The following FANCD2 variants were observed in gnomAD, a reference collection of about 807,000 sequenced individuals.
The protein encoded by FANCD2 is FA complementation group D2, also known as Fanconi anemia group D2 protein.
In FANCD2, 131 loss-of-function variants were observed where a neutral mutation model predicts 192.3. The observed-to-expected ratio is 0.68, with a 90% CI of 0.59 to 0.79. The LOEUF (loss-of-function observed/expected upper bound fraction) is 0.79, where lower values mean the gene tolerates loss of function less well. FANCD2 is among the 30% of genes least tolerant of loss of function. FANCD2 has a pLI of 0.00. For missense variants in FANCD2, 1,508 were observed against 1,701.6 expected (o/e 0.89, Z 2.00); for synonymous variants, 524 against 612.5 (o/e 0.86, Z 2.13).
In FANCD2 at chr3:10,041,672, C is replaced by A. The variant is rs1349205199; in HGVS notation, c.745C>A (p.Leu249Ile). 14 of 1,613,860 alleles carry A rather than the reference C, an allele frequency of 8.7e-6. No individual in the cohort carries two copies. Among genetic ancestry groups the A allele is most frequent in the Non-Finnish European group, 1.1e-5 (13 of 1,179,856 alleles). The change falls in exon 10 of 44, where the codon CTT becomes ATT. Residue 249 changes from leucine to isoleucine, a missense_variant. Leu to Ile is a conservative substitution (Grantham distance 5). Around this residue, in one of 5 missense-constraint regions of FANCD2, gnomAD observed 435 missense variants for 421.9 expected, o/e 1.03. Transcript: ENST00000675286. ...TSLTVPILDV[L>I]SSLRLDPNFL... ...ACTCACTGTCCCAATCCTGGATGTC[C>A]TTTCAAGCCTCCGACTTGACCCAAA... is the stretch of plus-strand genomic sequence containing the variant.
rs775934513 is a variant in FANCD2 at position 10,094,364 on chromosome 3, G to C, written c.3963+1G>C. 7.4e-6 allele frequency: 12 copies of C among 1,612,476 alleles called. No individual in the cohort carries two copies. The highest frequency in any genetic ancestry group is 2.2e-5 in the East Asian group (1 of 44,872). On this transcript the variant is annotated splice_donor_variant, in intron 40 of 43. Coordinates refer to ENST00000675286, the MANE Select transcript of FANCD2 (RefSeq NM_001018115.3). LOFTEE classifies it high-confidence loss of function. The stretch of plus-strand genomic sequence containing the variant: ...AGACTTCAGTTTTAGAAAACACCGG[G>C]TAAGAGCTAAGAGCAGAGAACAAAG...
intron 17 of FANCD2, among the ~76,000 whole-genome samples, chr3:10,051,141 G>A (rs2087191354): frequency 6.6e-6 from 1 of 151,204 alleles, no homozygotes; most frequent in Non-Finnish European, 1.5e-5. Context: ...AGCACTTTGG[G>A]AGGCCGAGGT....
intron 32 of FANCD2, among the ~76,000 whole-genome samples, chr3:10,084,525 T>C (rs1486031989): frequency 2.0e-5 from 3 of 151,304 alleles, no homozygotes; most frequent in Non-Finnish European, 2.9e-5. Flanking sequence ...GTCTTGAACC[T>C]CTGGGCTCAA....
At chr3:10,048,511 G>T (rs1259278498) in intron 16 of FANCD2, among the ~76,000 whole-genome samples, 2 of 152,130 alleles carry the variant, frequency 1.3e-5, no homozygotes, top group African/African-American at 4.8e-5. Flanking sequence ...CACCATGTTG[G>T]CCAGGCTGGT....
chr3:10,038,383 A>G (rs1209804407), intron 7 of FANCD2, among the ~76,000 whole-genome samples: 3 of 152,166 alleles, frequency 2.0e-5, no homozygotes, highest in African/African-American at 7.2e-5. Context: ...ATTGGCTGCA[A>G]TAACAAGGAC....
chr3:10,086,322 G>C (rs1299382686), intron 33 of FANCD2, among the ~76,000 whole-genome samples: 2 of 152,110 alleles, frequency 1.3e-5, no homozygotes, highest in African/African-American at 4.8e-5. Flanking sequence ...GTGGCTGAGG[G>C]GTAGGCAGTG....
rs139789014 is a variant in FANCD2 at position 10,092,331 on chromosome 3, C to T, written c.3849+79C>T. On this transcript the variant is annotated intron_variant, in intron 38 of 43. Coordinates refer to ENST00000675286, the MANE Select transcript of FANCD2 (RefSeq NM_001018115.3). ...GTCCTGGCTTCCAAAATGGACTTTC[C>T]TTGCTCCTCTTCCCACTCTTCCTTG... is the stretch of plus-strand genomic sequence containing the variant. 2,118 of 1,064,464 alleles carry T rather than the reference C, an allele frequency of 2.0e-3. 6 individuals carry two copies. Among genetic ancestry groups the T allele is most frequent in the Non-Finnish European group, 2.6e-3 (1,803 of 684,054 alleles). The allele number at this position is 1,064,464 out of a possible 1,614,324, so 65.9% of individuals were successfully genotyped here. A position where few individuals can be genotyped will look rare whatever the true frequency, so the allele number is the denominator to read the frequency against.
At position 10,039,922 on chromosome 3, in the gene FANCD2, A is replaced by T. The variant is rs2086823033; in HGVS notation, c.695+77A>T. On this transcript the variant is annotated intron_variant, in intron 9 of 43. Coordinates refer to ENST00000675286, the MANE Select transcript of FANCD2 (RefSeq NM_001018115.3). ...ATCACTGCAGTATGCAAAGAGCAGT[A>T]GTAATATGGTCTCTTCTATCTAAAA... is the stretch of plus-strand genomic sequence containing the variant. 3 of 1,548,046 alleles carry T rather than the reference A, an allele frequency of 1.9e-6. No individual in the cohort carries two copies. In the African/African-American group the frequency reaches 4.1e-5, roughly 21 times the overall value.
Position 10,062,144 on chromosome 3 carries a change from T to G in FANCD2, c.1767-7T>G. 1 of 1,608,134 alleles carries G rather than the reference T, an allele frequency of 6.2e-7. No individual in the cohort carries two copies. Among genetic ancestry groups the G allele is most frequent in the Non-Finnish European group, 8.5e-7 (1 of 1,176,036 alleles). On this transcript the variant is annotated splice_region_variant and splice_polypyrimidine_tract_variant and intron_variant, in intron 19 of 43. Coordinates refer to ENST00000675286, the MANE Select transcript of FANCD2 (RefSeq NM_001018115.3). ...TAATAATTTAAAAAAAAATTCTTTG[T>G]TTTTAGAAGTGAATCACCTAGTTTG...
chr3:10,095,465 T>C, intron 41 of FANCD2, 191 bp downstream of exon 41: 1 of 608,454 alleles, frequency 1.6e-6, no homozygotes, highest in East Asian at 2.8e-5. Context: ...AATCTCCGCA[T>C]CTGAAATTTG....
chr3:10,075,714 A>G (rs899698200), intron 29 of FANCD2, among the ~76,000 whole-genome samples: 2 of 149,916 alleles, frequency 1.3e-5, no homozygotes, highest in Admixed American at 6.8e-5. Context: ...TACCTTCAGA[A>G]CAGAAATAGT....
intron 7 of FANCD2, chr3:10,037,695 G>A (rs2086765669): frequency 6.6e-6 from 1 of 152,054 alleles, no homozygotes; most frequent in Admixed American, 6.6e-5. Flanking sequence ...GTAAATAATT[G>A]AGATGTTCAA....
chr3:10,036,269 C>G lies in FANCD2; in HGVS notation c.439-18C>G, dbSNP rs184060118. The stretch of plus-strand genomic sequence containing the variant: ...TATTTTGAGATCATCTCCTAACTCC[C>G]TATGTCTTCTTTTTTAGCCTGCCAT... On this transcript the variant is annotated intron_variant, in intron 6 of 43. Transcript: ENST00000675286. 1.2e-6 allele frequency: 2 copies of G among 1,601,572 alleles called. No homozygotes were observed.
At chr3:10,039,255 T>C in intron 7 of FANCD2, 24 bp from the exon 8 acceptor site, 1 of 1,579,770 alleles carries the variant, frequency 6.3e-7, no homozygotes, top group Non-Finnish European at 8.7e-7. Flanking sequence ...CTCAGTTCCC[T>C]GTTTTCTCTT....
intron 18 of FANCD2, among the ~76,000 whole-genome samples, chr3:10,053,268 T>C (rs2087271422): frequency 6.6e-6 from 1 of 151,130 alleles, no homozygotes; most frequent in African/African-American, 2.4e-5. Context: ...CTCAGTAAAC[T>C]ATCGCAAGAA....
intron 2 of FANCD2, among the ~76,000 whole-genome samples, chr3:10,031,309 T>C (rs28525456): frequency 0.06 from 9,169 of 151,996 alleles, 451 homozygotes; most frequent in African/African-American, 0.13. Flanking sequence ...TGAGACCATC[T>C]TGGCTAACAT....
chr3:10,034,256 C>T (rs1326322098), intron 3 of FANCD2, among the ~76,000 whole-genome samples: 3 of 139,238 alleles, frequency 2.2e-5, no homozygotes, highest in Admixed American at 1.6e-4. Flanking sequence ...ACCCAGGAGG[C>T]GGAAGTTCCT....
At chr3:10,093,926 A>G (rs1694803128) in intron 39 of FANCD2, among the ~76,000 whole-genome samples, 1 of 152,120 alleles carries the variant, frequency 6.6e-6, no homozygotes, top group Non-Finnish European at 1.5e-5. Context: ...TCTGATTGGG[A>G]AATTTAGAAA....
rs2125050062 is a variant in FANCD2 at position 10,074,578 on chromosome 3, C to T, written c.2764C>T (p.His922Tyr). ...GACATCATTGTTACTACATAATTCC[C>T]ATGCTTTTTTCCGAGAGCTGGACAT... ...EKTSLLLHNS[H>Y]AFFRELDIEV... Residue 922 changes from histidine to tyrosine, a missense_variant, in exon 29 of 44, where the codon CAT becomes TAT. This residue lies in a region of FANCD2 where 796 missense variants were observed against 879.4 expected (regional missense o/e 0.91). Coordinates refer to ENST00000675286, the MANE Select transcript of FANCD2 (RefSeq NM_001018115.3). 1 of 1,613,814 alleles carries T rather than the reference C, an allele frequency of 6.2e-7. No homozygotes were observed. Among genetic ancestry groups the T allele is most frequent in the Non-Finnish European group, 8.5e-7 (1 of 1,179,842 alleles).
Sources: gnomAD v4.1 joint callset for allele counts (sites outside exome capture counted in the v4.1 genomes callset) on GRCh38, gnomAD v4.1.1 for gene constraint, gnomAD v4.1.1 regional missense constraint, MANE v1.5 for transcripts, NCBI Gene and HGNC (gene_info 2026-07-23, HGNC 2026-07-21) for gene names.